The following CTNNA3 variants were observed in gnomAD, a reference collection of about 807,000 sequenced individuals.
The protein encoded by CTNNA3 is catenin alpha 3.
A neutral mutation model predicts 95.7 loss-of-function variants in CTNNA3; 76 were observed. That is an observed-to-expected ratio of 0.79 (90% CI 0.66 to 0.96). The LOEUF is 0.96. CTNNA3 is among the 40% of genes least tolerant of loss of function. The pLI, the probability that CTNNA3 is intolerant of heterozygous loss-of-function variation, is 0.00. For missense variants in CTNNA3, 1,191 were observed against 1,089.8 expected (o/e 1.09, Z -1.31); for synonymous variants, 431 against 374.4 (o/e 1.15, Z -1.74).
At position 67,664,992 on chromosome 10, in the gene CTNNA3, C is replaced by T. The variant is rs1243603264; in HGVS notation, c.-5-17474G>A. Among the ~76,000 whole-genome samples the T allele has an allele frequency of 3.3e-5, 5 of 152,252 alleles. No individual in the cohort carries two copies. In the East Asian group the frequency reaches 9.6e-4, roughly 29 times the overall value. ...ATTAAAAGCAATTAAATTATTTGCACAAATAACCTACTCGCTGTACAATTT... is the reference window on the plus strand; with the variant it reads ...ATTAAAAGCAATTAAATTATTTGCATAAATAACCTACTCGCTGTACAATTT... On this transcript the variant is annotated intron_variant, in intron 1 of 17. Transcript: ENST00000433211.
At chr10:66,107,883 C>T (rs1189335133) in intron 13 of CTNNA3, among the ~76,000 whole-genome samples, 1 of 151,964 alleles carries the variant, frequency 6.6e-6, no homozygotes, top group African/African-American at 2.4e-5. Context: ...AAGAGTCATG[C>T]TTGGCTTCTT....
At chr10:66,283,432 T>C (rs2091528886) in intron 12 of CTNNA3, among the ~76,000 whole-genome samples, 1 of 151,792 alleles carries the variant, frequency 6.6e-6, no homozygotes, top group Non-Finnish European at 1.5e-5. Flanking sequence ...ACCATCTTCC[T>C]ATGTAGATTT....
At chr10:67,006,715 A>G (rs537226376) in intron 7 of CTNNA3, among the ~76,000 whole-genome samples, 10 of 152,310 alleles carry the variant, frequency 6.6e-5, no homozygotes, top group Middle Eastern at 3.4e-3. Context: ...TAATGGTGAA[A>G]TATTTAAAAT....
At chr10:67,000,185 T>C (rs935947948) in intron 7 of CTNNA3, among the ~76,000 whole-genome samples, 2 of 152,208 alleles carry the variant, frequency 1.3e-5, no homozygotes, top group Non-Finnish European at 2.9e-5. Flanking sequence ...AAGATTGCTA[T>C]ATGAGCTCAA....
Position 65,913,331 on chromosome 10 carries a change from G to T in CTNNA3, c.*6999C>A, listed in dbSNP as rs1006909021. 2 of 152,026 alleles carry T rather than the reference G, an allele frequency of 1.3e-5. No individual in the cohort carries two copies. The highest frequency in any genetic ancestry group is 2.1e-4 in the South Asian group (1 of 4,824). The allele number at this position is 152,026 out of a possible 1,614,324, so 9.4% of individuals were successfully genotyped here. A position where few individuals can be genotyped will look rare whatever the true frequency, so the allele number is the denominator to read the frequency against. ...ATATTTAATCACCCAACTTGCCCAA[G>T]AAAATTTTGTTTTAAGCCTCAATTA... On this transcript the variant is annotated 3_prime_UTR_variant, in exon 18 of 18. Coordinates refer to ENST00000433211, the MANE Select transcript of CTNNA3 (RefSeq NM_013266.4).
chr10:66,293,802 A>C (rs58386099), intron 12 of CTNNA3, among the ~76,000 whole-genome samples: 4,226 of 151,688 alleles, frequency 0.028, 200 homozygotes, highest in African/African-American at 0.097. Context: ...AGTAGCTGGG[A>C]TTACAGGCGC....
chr10:66,311,222 C>T (rs2092016221), intron 12 of CTNNA3, among the ~76,000 whole-genome samples: 1 of 152,126 alleles, frequency 6.6e-6, no homozygotes, highest in South Asian at 2.1e-4. Context: ...TAGATAGCTA[C>T]CTTCAAAATT....
At chr10:65,920,747 G>A (rs2077073910) in intron 17 of CTNNA3, 130 bp from the exon 18 acceptor site, 4 of 952,378 alleles carry the variant, frequency 4.2e-6, no homozygotes, top group African/African-American at 3.3e-5. Context: ...GATCACTTGA[G>A]CCCAGGAGGC....
chr10:67,721,749 T>C (rs1228749416), intron 1 of CTNNA3, among the ~76,000 whole-genome samples: 1 of 152,202 alleles, frequency 6.6e-6, no homozygotes, highest in Non-Finnish European at 1.5e-5. Flanking sequence ...TTCTGGTTTT[T>C]GGAATTTTCA....
intron 7 of CTNNA3, among the ~76,000 whole-genome samples, chr10:67,101,030 A>G (rs1438952583): frequency 3.3e-5 from 5 of 151,816 alleles, no homozygotes; most frequent in Non-Finnish European, 7.4e-5. Flanking sequence ...TCTGTAAAAT[A>G]TTAGCTAACT....
At chr10:66,847,371 A>C (rs1291752336) in intron 7 of CTNNA3, among the ~76,000 whole-genome samples, 1 of 152,208 alleles carries the variant, frequency 6.6e-6, no homozygotes, top group East Asian at 1.9e-4. Context: ...GTGACCAACT[A>C]TATTTTGAAT....
At chr10:66,723,879 A>G (rs1395405669) in intron 9 of CTNNA3, among the ~76,000 whole-genome samples, 1 of 152,198 alleles carries the variant, frequency 6.6e-6, no homozygotes, top group Non-Finnish European at 1.5e-5. Context: ...AATTGAAATT[A>G]GAAAAAACTA....
intron 2 of CTNNA3, among the ~76,000 whole-genome samples, chr10:67,625,986 A>G (rs997329509): frequency 6.6e-6 from 1 of 152,122 alleles, no homozygotes; most frequent in African/African-American, 2.4e-5. Context: ...GGAGTTTGAG[A>G]CTAGCCTGAA....
intron 15 of CTNNA3, among the ~76,000 whole-genome samples, chr10:66,006,122 C>T (rs34580877): frequency 0.21 from 31,745 of 151,162 alleles, 3,814 homozygotes; most frequent in Middle Eastern, 0.34. Flanking sequence ...ACACCATTCT[C>T]CTGCCTCAGC....
At chr10:67,716,342 C>A (rs990028970) in intron 1 of CTNNA3, among the ~76,000 whole-genome samples, 1 of 151,866 alleles carries the variant, frequency 6.6e-6, no homozygotes, top group Non-Finnish European at 1.5e-5. Flanking sequence ...TTTTTTAATA[C>A]TTTAAGTTCT....
rs556953166 is a variant in CTNNA3, at chr10:67,165,417, T to C, written c.1047+14900A>G. Among the ~76,000 whole-genome samples the C allele has an allele frequency of 2.3e-3, 352 of 152,190 alleles. 1 individual carries two copies. The highest frequency in any genetic ancestry group is 8.0e-3 in the African/African-American group (332 of 41,534). ...TTGGAAAGTGGTAGCACAAGGGAGATATTTGTAGTGATGGAATATTTCTGT... is the reference window on the plus strand; with the variant it reads ...TTGGAAAGTGGTAGCACAAGGGAGACATTTGTAGTGATGGAATATTTCTGT... On this transcript the variant is annotated intron_variant, in intron 7 of 17. Transcript: ENST00000433211.
chr10:66,590,020 AG>A (rs1221800582), intron 10 of CTNNA3, among the ~76,000 whole-genome samples: 2 of 152,120 alleles, frequency 1.3e-5, no homozygotes, highest in African/African-American at 4.8e-5. Context: ...TTTGAAAAAA[AG>A]TTTGGTAGCC....
intron 7 of CTNNA3, among the ~76,000 whole-genome samples, chr10:66,959,424 G>A (rs533084078): frequency 1.3e-5 from 2 of 152,260 alleles, no homozygotes; most frequent in East Asian, 3.9e-4. Context: ...TTATGAAGAG[G>A]AGTCAGGATT....
intron 17 of CTNNA3, among the ~76,000 whole-genome samples, chr10:65,924,648 C>A (rs188149051): frequency 6.6e-6 from 1 of 152,282 alleles, no homozygotes; most frequent in East Asian, 1.9e-4. Flanking sequence ...CAAAATTATC[C>A]ATTTCCCTAA....
Sources: allele counts gnomAD v4.1 joint callset (sites outside exome capture counted in the v4.1 genomes callset), GRCh38; gene constraint gnomAD v4.1.1; transcripts MANE v1.5; gene names NCBI Gene and HGNC (gene_info 2026-07-23, HGNC 2026-07-21).